The following CACNB4 variants were observed in gnomAD, a reference collection of about 807,000 sequenced individuals.
The protein encoded by CACNB4 is calcium voltage-gated channel auxiliary subunit beta 4, also known as voltage-dependent L-type calcium channel subunit beta-4.
Under a neutral mutation model 71.2 loss-of-function variants are expected in CACNB4, and 32 were observed. The ratio of observed to expected loss-of-function variants is 0.45; its 90% CI spans 0.34 to 0.60. The LOEUF is 0.60. CACNB4 is among the 20% of genes least tolerant of loss of function. CACNB4 has a pLI of 0.01. For missense variants in CACNB4, 464 were observed against 647.9 expected, an observed-to-expected ratio of 0.72 and a Z score of 3.08; for synonymous variants, 231 against 236.9, an observed-to-expected ratio of 0.97 and a Z score of 0.23.
In CACNB4 at chr2:151,839,275, C is replaced by T; in HGVS notation, c.1407G>A (p.Lys469=). The T allele has an allele frequency of 1.2e-6, 2 of 1,613,794 alleles. No homozygotes were observed. Among genetic ancestry groups the T allele is most frequent in the Non-Finnish European group, 8.5e-7 (1 of 1,179,740 alleles). The stretch of plus-strand genomic sequence containing the variant: ...AACTGGAAGACAAGCGGTTCCTACT[C>T]TTCCGAGCCCTTTCATTGTGATAAT... ...DENYHNERAR[K]SRNRLSSSSQ... is the part of the protein sequence containing the mutation. Residue 469 remains lysine, a synonymous_variant, in exon 14 of 14, where the codon AAG becomes AAA. Transcript: ENST00000539935.
chr2:152,031,081 T>C (rs980779731), intron 2 of CACNB4, among the ~76,000 whole-genome samples: 10 of 152,022 alleles, frequency 6.6e-5, no homozygotes, highest in South Asian at 6.2e-4. Context: ...ATTTTACAGA[T>C]GAAGAAATAA....
Position 151,883,993 on chromosome 2 carries a change from T to C in CACNB4, c.148-623A>G, listed in dbSNP as rs568379748. On this transcript the variant is annotated intron_variant, in intron 2 of 13. Transcript: ENST00000539935. Reference sequence around the variant, plus strand: ...GGATGTTCTCAGTTGAAGCCCACACTAGAAGAGCTATTTAAACAGCACTGA... The same window carrying C: ...GGATGTTCTCAGTTGAAGCCCACACCAGAAGAGCTATTTAAACAGCACTGA... The C allele has an allele frequency of 7.3e-5, 12 of 164,230 alleles. No homozygotes were observed. In the South Asian group the frequency reaches 1.9e-3, roughly 26 times the overall value. The allele number at this position is 164,230 out of a possible 1,614,324, so 10.2% of individuals were successfully genotyped here.
chr2:151,965,620 A>T lies in CACNB4; in HGVS notation c.148-82250T>A, dbSNP rs896896056. On this transcript the variant is annotated intron_variant, in intron 2 of 13. Coordinates refer to ENST00000539935, the MANE Select transcript of CACNB4 (RefSeq NM_000726.5). ...AATATTTTTATATCAATACTCTGGT[A>T]GTGTAGAGCTCAGATACCTTAGCCA... Among the ~76,000 whole-genome samples, 19 of 152,326 alleles carry T rather than the reference A, an allele frequency of 1.2e-4. 1 individual carries two copies. Among genetic ancestry groups the T allele is most frequent in the South Asian group, 4.1e-4 (2 of 4,828 alleles).
At chr2:151,902,520 G>T (rs1168213835) in intron 2 of CACNB4, among the ~76,000 whole-genome samples, 1 of 152,082 alleles carries the variant, frequency 6.6e-6, no homozygotes, top group Non-Finnish European at 1.5e-5. Flanking sequence ...ACGATTATTA[G>T]AATTTTTCAT....
intron 4 of CACNB4, among the ~76,000 whole-genome samples, chr2:151,877,130 CTATA>C (rs377457692): frequency 1.4e-5 from 2 of 146,274 alleles, no homozygotes. Context: ...TATATACATA[CTATA>C]TATATATATA....
chr2:151,887,299 A>G (rs965607106), intron 2 of CACNB4, among the ~76,000 whole-genome samples: 1 of 152,174 alleles, frequency 6.6e-6, no homozygotes, highest in Non-Finnish European at 1.5e-5. Context: ...GAAACATGAC[A>G]GGGACTAGTC....
At chr2:151,872,765 T>C in intron 5 of CACNB4, 1 of 284,008 alleles carries the variant, frequency 3.5e-6, no homozygotes, top group Non-Finnish European at 6.6e-6. Context: ...CTGACGGGAA[T>C]GGTCTTATGA....
At chr2:151,987,803 T>C (rs1158082472) in intron 2 of CACNB4, among the ~76,000 whole-genome samples, 1 of 152,230 alleles carries the variant, frequency 6.6e-6, no homozygotes, top group Non-Finnish European at 1.5e-5. Flanking sequence ...ACAGTTTCGA[T>C]GCGACCCACC....
At chr2:151,907,745 T>A (rs2099855156) in intron 2 of CACNB4, among the ~76,000 whole-genome samples, 1 of 152,236 alleles carries the variant, frequency 6.6e-6, no homozygotes, top group Non-Finnish European at 1.5e-5. Context: ...GTTTTCTTTC[T>A]CTGACATGTG....
intron 10 of CACNB4, chr2:151,858,681 T>C (rs779097408): frequency 2.0e-5 from 3 of 152,200 alleles, no homozygotes; most frequent in Non-Finnish European, 4.4e-5. Flanking sequence ...CCCCAACACA[T>C]TGGCCTCAAT....
rs977932767 is a variant in CACNB4, at chr2:151,909,063, A to G, written c.148-25693T>C. ...TTTAGGTAAGTTTTTACCATTGACT[A>G]TCCCTGAATCCTATCTATATATAAA... On this transcript the variant is annotated intron_variant, in intron 2 of 13. Coordinates refer to ENST00000539935, the MANE Select transcript of CACNB4 (RefSeq NM_000726.5). Among the ~76,000 whole-genome samples the G allele has an allele frequency of 5.4e-5, 8 of 149,226 alleles. No individual in the cohort carries two copies. The South Asian group carries it at 1.7e-3, about 31-fold the overall frequency.
rs1358235093 is a variant in CACNB4 at position 151,880,833 on chromosome 2, G to A, written c.357C>T (p.Ser119=). 6.2e-7 allele frequency: 1 copy of A among 1,613,574 alleles called. No individual in the cohort carries two copies. Among genetic ancestry groups the A allele is most frequent in the East Asian group, 2.2e-5 (1 of 44,880 alleles). ...TATGTAGAAAGTCTTTAGCATCAAAGGAGATAGCTGTGCTTGGAACAGGCA... is the reference window on the plus strand; with the variant it reads ...TATGTAGAAAGTCTTTAGCATCAAAAGAGATAGCTGTGCTTGGAACAGGCA... ...EDVPVPSTAI[S]FDAKDFLHIK... is the part of the protein sequence containing the mutation. The change falls in exon 4 of 14, where the codon TCC becomes TCT. Residue 119 remains serine, a synonymous_variant. Transcript: ENST00000539935.
chr2:151,850,512 T>A (rs1404546997), intron 12 of CACNB4: 1 of 152,184 alleles, frequency 6.6e-6, no homozygotes, highest in Non-Finnish European at 1.5e-5. Flanking sequence ...CTTGCTAGAC[T>A]AGGAGAAAGA....
chr2:151,994,859 C>G (rs923669581), intron 2 of CACNB4, among the ~76,000 whole-genome samples: 5 of 151,928 alleles, frequency 3.3e-5, no homozygotes, highest in African/African-American at 4.8e-5. Context: ...GTCTTGAACT[C>G]CTGGCCTCAA....
chr2:151,861,851 A>AAAAAAACAAAAAAAAAAAAAAC (rs1553750171), intron 9 of CACNB4: 4 of 135,358 alleles, frequency 3.0e-5, no homozygotes, highest in Non-Finnish European at 4.8e-5. Context: ...TCAAAAAAAA[A>AAAAAAACAAAAAAAAAAAAAAC]AAAAAAACTG....
In CACNB4 at chr2:151,994,489, A is replaced by G. The variant is rs899061987; in HGVS notation, c.147+103841T>C. Among the ~76,000 whole-genome samples the G allele has an allele frequency of 8.7e-5, 13 of 149,780 alleles. 1 individual carries two copies. On this transcript the variant is annotated intron_variant, in intron 2 of 13. Coordinates refer to ENST00000539935, the MANE Select transcript of CACNB4 (RefSeq NM_000726.5). ...CCAAAGTGCTGAGATTACAGGCGTG[A>G]GCCACCATTCCCAGCCAAAAGGGTC...
rs1448542887 is a variant in CACNB4 at position 151,833,333 on chromosome 2, C to T, written c.*5786G>A. On this transcript the variant is annotated 3_prime_UTR_variant, in exon 14 of 14. Coordinates refer to ENST00000539935, the MANE Select transcript of CACNB4 (RefSeq NM_000726.5). ...TTATGTTTCAAAGTAGTATTCAGTA[C>T]AAAACAAATTAAAGAATCCCTAACT... The T allele has an allele frequency of 6.6e-6, 1 of 151,990 alleles. No individual in the cohort carries two copies. The highest frequency in any genetic ancestry group is 2.4e-5 in the African/African-American group (1 of 41,408). 9.4% of individuals were successfully genotyped at this position (151,990 alleles called of 1,614,324 possible).
At chr2:152,086,273 G>GA (rs1421314975) in intron 2 of CACNB4, among the ~76,000 whole-genome samples, 1 of 152,192 alleles carries the variant, frequency 6.6e-6, no homozygotes, top group Non-Finnish European at 1.5e-5. Context: ...AATACTACAT[G>GA]AAAAACAGAG....
At chr2:151,982,341 T>A (rs767000341) in intron 2 of CACNB4, among the ~76,000 whole-genome samples, 2 of 152,070 alleles carry the variant, frequency 1.3e-5, no homozygotes, top group Non-Finnish European at 2.9e-5. Flanking sequence ...CTTAAAAAGA[T>A]ACTGACTGCC....
Sources: allele counts gnomAD v4.1 joint callset (sites outside exome capture counted in the v4.1 genomes callset), GRCh38; gene constraint gnomAD v4.1.1; transcripts MANE v1.5; gene names NCBI Gene and HGNC (gene_info 2026-07-23, HGNC 2026-07-21).